Variants in CIMAP1C observed in about 807,000 individuals in gnomAD.
CIMAP1C encodes the protein outer dense fiber of sperm tails 3 like 1.
At chr15:75,726,035 C>T in the CIMAP1C span, 1 of 1,538,140 alleles carries the variant, frequency 6.5e-7, no homozygotes, top group Non-Finnish European at 9.0e-7. Context: ...GCTGACCAGG[C>T]CCTCTCCTTG....
chr15:75,724,451 C>G, the CIMAP1C span: 4 of 687,634 alleles, frequency 5.8e-6, no homozygotes, highest in Non-Finnish European at 1.1e-5. Context: ...CTGACCCTCA[C>G]AGGCAGTGTT....
At chr15:75,724,396 C>T in the CIMAP1C span, 1 of 954,104 alleles carries the variant, frequency 1.0e-6, no homozygotes, top group Non-Finnish European at 1.7e-6. Flanking sequence ...CTGCAAAGCC[C>T]CTTCCAACTT....
chr15:75,725,488 A>C, the CIMAP1C span, among the ~76,000 whole-genome samples: 2 of 152,178 alleles, frequency 1.3e-5, no homozygotes, highest in African/African-American at 4.8e-5. Context: ...GGGGCCCTTC[A>C]GCTCCGGTCG....
chr15:75,725,677 TGAGATCTGGG>T, the CIMAP1C span, among the ~76,000 whole-genome samples: 1 of 152,070 alleles, frequency 6.6e-6, no homozygotes, highest in South Asian at 2.1e-4. Flanking sequence ...CCCGGGGGTC[TGAGATCTGGG>T]GTGCCTGTCA....
At chr15:75,725,152 A>G in the CIMAP1C span, 52 of 1,614,102 alleles carry the variant, frequency 3.2e-5, 3 homozygotes, top group South Asian at 5.5e-4. Flanking sequence ...CACGGGCTAC[A>G]TAGATCATGA....
chr15:75,725,811 CCT>C, the CIMAP1C span, among the ~76,000 whole-genome samples: 1 of 152,152 alleles, frequency 6.6e-6, no homozygotes, highest in East Asian at 1.9e-4. Flanking sequence ...GGCCCCAACC[CCT>C]GATTGGGTGG....
chr15:75,724,115 G>A, the CIMAP1C span: 4 of 836,904 alleles, frequency 4.8e-6, no homozygotes, highest in Non-Finnish European at 8.1e-6. Flanking sequence ...GGGGGATGGG[G>A]GGGTCTCAGG....
At chr15:75,725,934 G>A in the CIMAP1C span, 4 of 625,954 alleles carry the variant, frequency 6.4e-6, no homozygotes, top group Non-Finnish European at 1.2e-5. Flanking sequence ...GGAAATCAAG[G>A]GTCCCCAAAC....
At chr15:75,724,078 C>T in the CIMAP1C span, 2 of 674,304 alleles carry the variant, frequency 3.0e-6, no homozygotes, top group South Asian at 3.5e-5. Flanking sequence ...AACTGTCTTC[C>T]TTCCCAGCTT....
chr15:75,725,037 G>A, the CIMAP1C span: 7 of 962,064 alleles, frequency 7.3e-6, no homozygotes, highest in East Asian at 4.8e-5. Flanking sequence ...CCCATGGTGC[G>A]CTGTACTGGG....
At chr15:75,724,917 A>G in the CIMAP1C span, among the ~76,000 whole-genome samples, 1 of 152,248 alleles carries the variant, frequency 6.6e-6, no homozygotes, top group Non-Finnish European at 1.5e-5. Context: ...TGTCTGTCCA[A>G]GGGAAACTGC....
chr15:75,726,428 C>T, the CIMAP1C span, among the ~76,000 whole-genome samples: 3 of 152,220 alleles, frequency 2.0e-5, no homozygotes, highest in South Asian at 2.1e-4. Context: ...GTCATGCGAA[C>T]GAGCTCACAG....
At chr15:75,726,071 C>T in the CIMAP1C span, 10 of 1,613,268 alleles carry the variant, frequency 6.2e-6, no homozygotes, top group Non-Finnish European at 8.5e-6. Context: ...TGGTGTGCCA[C>T]AGCAGCCCTG....
At chr15:75,725,724 C>G in the CIMAP1C span, among the ~76,000 whole-genome samples, 2 of 152,176 alleles carry the variant, frequency 1.3e-5, no homozygotes, top group South Asian at 4.1e-4. Flanking sequence ...GAATACCCAC[C>G]TCAGCAAGGT....
At chr15:75,726,062 G>C in the CIMAP1C span, 3 of 1,611,544 alleles carry the variant, frequency 1.9e-6, no homozygotes, top group South Asian at 3.3e-5. Context: ...CTGCAGGGAT[G>C]GTGTGCCACA....
chr15:75,725,051 TC>T, the CIMAP1C span: 1 of 1,186,376 alleles, frequency 8.4e-7, no homozygotes, highest in African/African-American at 1.5e-5. Context: ...TACTGGGGCT[TC>T]CCCTGCCTCT....
At chr15:75,724,236 T>C in the CIMAP1C span, 1 of 1,614,136 alleles carries the variant, frequency 6.2e-7, no homozygotes, top group South Asian at 1.1e-5. Context: ...CTCTGTGTAC[T>C]TTGCACAGCA....
the CIMAP1C span, chr15:75,724,957 A>G: frequency 5.1e-6 from 3 of 588,802 alleles, no homozygotes; most frequent in Middle Eastern, 3.6e-4. Flanking sequence ...CCTTCCCCCA[A>G]ACGAAGCAGC....
the CIMAP1C span, chr15:75,727,545 C>T: frequency 1.9e-6 from 3 of 1,561,044 alleles, no homozygotes; most frequent in Middle Eastern, 1.7e-4. Context: ...GACTGAGGCC[C>T]CTCTTGGGGC....
Sources: allele counts gnomAD v4.1 joint callset (sites outside exome capture counted in the v4.1 genomes callset), GRCh38; gene constraint gnomAD v4.1.1; transcripts MANE v1.5; gene names NCBI Gene and HGNC (gene_info 2026-07-23, HGNC 2026-07-21).